The following MCMDC2 variants were observed in gnomAD, a reference collection of about 807,000 sequenced individuals.
MCMDC2 encodes the protein minichromosome maintenance domain containing 2.
In MCMDC2, 54 loss-of-function variants were observed where a neutral mutation model predicts 75.8. The ratio of observed to expected loss-of-function variants is 0.71; its 90% CI spans 0.57 to 0.89. The LOEUF (loss-of-function observed/expected upper bound fraction) is 0.89. MCMDC2 is among the 40% of genes least tolerant of loss of function. The pLI, the probability that MCMDC2 is intolerant of heterozygous loss-of-function variation, is 0.00. For missense variants in MCMDC2, 656 were observed against 780.4 expected, an observed-to-expected ratio of 0.84 and a Z score of 1.90; for synonymous variants, 249 against 274.6, an observed-to-expected ratio of 0.91 and a Z score of 0.92.
downstream of MCMDC2, chr8:66,922,530 G>C (rs1400436703): frequency 1.9e-6 from 1 of 518,880 alleles, no homozygotes; most frequent in South Asian, 1.4e-5. Context: ...ACGGCAAAAA[G>C]TAATTTAAGT....
At position 66,920,564 on chromosome 8, in the gene MCMDC2, T is replaced by C; in HGVS notation, c.*1395T>C. On this transcript the variant is annotated 3_prime_UTR_variant, in exon 15 of 15. Transcript: ENST00000422365. ...ATACTTACATATTACAGTTCTATAA[T>C]GTTAAGACGTTTATTTTGTGCTTCT... 6.6e-6 allele frequency: 1 copy of C among 152,242 alleles called. No individual in the cohort carries two copies. The allele number at this position is 152,242 out of a possible 1,614,324, so 9.4% of individuals were successfully genotyped here. A position where few individuals can be genotyped will look rare whatever the true frequency, so the allele number is the denominator to read the frequency against.
chr8:66,906,291 T>C (rs1222219955), intron 14 of MCMDC2, among the ~76,000 whole-genome samples: 1 of 152,224 alleles, frequency 6.6e-6, no homozygotes, highest in South Asian at 2.1e-4. Flanking sequence ...AAAGAATGTA[T>C]TAACACTAGC....
intron 12 of MCMDC2, among the ~76,000 whole-genome samples, chr8:66,898,739 A>C (rs777804873): frequency 6.6e-6 from 1 of 152,226 alleles, no homozygotes; most frequent in Non-Finnish European, 1.5e-5. Context: ...CCCATGTAGA[A>C]TGCAGAAGCT....
intron 14 of MCMDC2, among the ~76,000 whole-genome samples, chr8:66,914,022 A>G (rs979823742): frequency 3.3e-4 from 50 of 151,570 alleles, no homozygotes; most frequent in South Asian, 2.1e-4. Flanking sequence ...TCATGCCTGT[A>G]ATCCCAGCAC....
chr8:66,905,961 C>T (rs1812890557), intron 14 of MCMDC2, among the ~76,000 whole-genome samples: 1 of 149,622 alleles, frequency 6.7e-6, no homozygotes, highest in Non-Finnish European at 1.5e-5. Context: ...GCTGAGATTG[C>T]ACCACTGCAC....
rs761284841 is a variant in MCMDC2 at position 66,891,093 on chromosome 8, A to G, written c.1279+23A>G. The G allele has an allele frequency of 8.3e-6, 13 of 1,568,310 alleles. No individual in the cohort carries two copies. The African/African-American group carries it at 1.7e-4, about 20-fold the overall frequency. On this transcript the variant is annotated intron_variant, in intron 10 of 14. Coordinates refer to ENST00000422365, the MANE Select transcript of MCMDC2 (RefSeq NM_173518.5). Reference sequence around the variant, plus strand: ...CAGGTAAACAATATTTTTTAAATTAATTTTCACCCGTTTAACCTATACTCT... The same window carrying G: ...CAGGTAAACAATATTTTTTAAATTAGTTTTCACCCGTTTAACCTATACTCT...
In MCMDC2 at chr8:66,886,158, CT is replaced by C. The variant is rs775562349; in HGVS notation, c.1073+2187del. Among the ~76,000 whole-genome samples, 825 of 123,456 alleles carry C rather than the reference CT, an allele frequency of 6.7e-3. 3 individuals carry two copies. Among genetic ancestry groups the C allele is most frequent in the African/African-American group, 0.02 (649 of 32,996 alleles). 81.0% of individuals were successfully genotyped at this position (123,456 alleles called of 152,430 possible). A position where few individuals can be genotyped will look rare whatever the true frequency, so the allele number is the denominator to read the frequency against. On this transcript the variant is annotated intron_variant, in intron 9 of 14. Transcript: ENST00000422365. ...GCTGGGTCATAAGGTATATGTATAA[CT>C]TTTTTTTTTTTTTTTTTTTTTTAAG...
chr8:66,908,230 T>C (rs1443632660), intron 14 of MCMDC2, among the ~76,000 whole-genome samples: 2 of 152,216 alleles, frequency 1.3e-5, no homozygotes, highest in Non-Finnish European at 2.9e-5. Flanking sequence ...TTAATGCATC[T>C]TGAGTTAATT....
chr8:66,902,735 T>TATATATATAC (rs1812752791), intron 13 of MCMDC2, among the ~76,000 whole-genome samples: 2 of 140,264 alleles, frequency 1.4e-5, no homozygotes, highest in African/African-American at 5.3e-5. Context: ...TATATATATA[T>TATATATATAC]ATATATACAT....
At position 66,877,336 on chromosome 8, in the gene MCMDC2, A is replaced by G. The variant is rs576584840; in HGVS notation, c.286-13A>G. 2.1e-4 allele frequency: 317 copies of G among 1,538,488 alleles called. 5 individuals carry two copies. In the South Asian group the frequency reaches 3.6e-3, roughly 17 times the overall value. ...TGCAATTTTCATTAATACCATTTTT[A>G]TGTTCTTATTAGATTAATATAGTGC... On this transcript the variant is annotated splice_polypyrimidine_tract_variant and intron_variant, in intron 4 of 14. Coordinates refer to ENST00000422365, the MANE Select transcript of MCMDC2 (RefSeq NM_173518.5).
chr8:66,883,908 T>A lies in MCMDC2; in HGVS notation c.987T>A (p.Ser329Arg), dbSNP rs769391578. Residue 329 changes from serine to arginine, a missense_variant, in exon 9 of 15, where the codon AGT (serine) becomes AGA (arginine). Transcript: ENST00000422365. ...YNLLKLCLLM[S>R]LVQTTDRNKE... ...TGCTCAAGCTCTGTTTGTTGATGAG[T>A]CTAGTACAGACAACTGACCGTAACA... 1 of 1,614,000 alleles carries A rather than the reference T, an allele frequency of 6.2e-7. No individual in the cohort carries two copies.
chr8:66,886,186 C>T lies in MCMDC2; in HGVS notation c.1073+2192C>T, dbSNP rs527771931. Reference sequence around the variant, plus strand: ...TTTTTTTTTTTTTTTTTTTTTAAGACGGAGTTTCACTCTTGTTGCCCGGGC... The same window carrying T: ...TTTTTTTTTTTTTTTTTTTTTAAGATGGAGTTTCACTCTTGTTGCCCGGGC... On this transcript the variant is annotated intron_variant, in intron 9 of 14. Coordinates refer to ENST00000422365, the MANE Select transcript of MCMDC2 (RefSeq NM_173518.5). 2.2e-4 allele frequency among the ~76,000 whole-genome samples: 28 copies of T among 126,256 alleles called. No homozygotes were observed. In the South Asian group the frequency reaches 2.9e-3, roughly 13 times the overall value. 82.8% of individuals were successfully genotyped at this position (126,256 alleles called of 152,430 possible). A position where few individuals can be genotyped will look rare whatever the true frequency, so the allele number is the denominator to read the frequency against.
chr8:66,881,402 TC>T (rs1811551676), intron 8 of MCMDC2, among the ~76,000 whole-genome samples: 1 of 152,204 alleles, frequency 6.6e-6, no homozygotes, highest in South Asian at 2.1e-4. Context: ...TAAAGTAGCA[TC>T]CTTGGCTGGG....
intron 4 of MCMDC2, among the ~76,000 whole-genome samples, chr8:66,875,930 G>A (rs750669310): frequency 6.6e-6 from 1 of 152,170 alleles, no homozygotes; most frequent in Admixed American, 6.5e-5. Context: ...TAAAATAGAA[G>A]ATGACTGTAA....
intron 10 of MCMDC2, among the ~76,000 whole-genome samples, chr8:66,892,741 G>C (rs1160396442): frequency 1.3e-5 from 2 of 152,166 alleles, no homozygotes; most frequent in East Asian, 1.9e-4. Flanking sequence ...GCTTCAGGCT[G>C]TCTCCTGCCT....
intron 9 of MCMDC2, chr8:66,884,669 G>C (rs185063875): frequency 6.6e-6 from 1 of 152,054 alleles, no homozygotes; most frequent in African/African-American, 2.4e-5. Flanking sequence ...TGCCACTGGT[G>C]ATGTAAATAT....
chr8:66,890,275 A>G (rs1333557445), intron 9 of MCMDC2, among the ~76,000 whole-genome samples: 2 of 152,156 alleles, frequency 1.3e-5, no homozygotes, highest in Non-Finnish European at 2.9e-5. Flanking sequence ...CATGTTGGCC[A>G]GGCTGGTCTT....
intron 9 of MCMDC2, among the ~76,000 whole-genome samples, chr8:66,889,825 G>A (rs1197988148): frequency 1.3e-5 from 2 of 152,056 alleles, no homozygotes. Context: ...CTAGAGCCTT[G>A]GCGACTGAGA....
At chr8:66,888,777 C>T (rs1811959692) in intron 9 of MCMDC2, among the ~76,000 whole-genome samples, 1 of 152,104 alleles carries the variant, frequency 6.6e-6, no homozygotes, top group Admixed American at 6.6e-5. Flanking sequence ...AATGTGTAGC[C>T]AAATTTGAGG....
Sources: allele counts gnomAD v4.1 joint callset (sites outside exome capture counted in the v4.1 genomes callset), GRCh38; gene constraint gnomAD v4.1.1; transcripts MANE v1.5; gene names NCBI Gene and HGNC (gene_info 2026-07-23, HGNC 2026-07-21).